The following FNDC7 variants were observed in gnomAD, a reference collection of about 807,000 sequenced individuals.
FNDC7 encodes fibronectin type III domain containing 7, also known as fibronectin type III domain-containing protein 7.
A neutral mutation model predicts 74.2 loss-of-function variants in FNDC7; 66 were observed. That is an observed-to-expected ratio of 0.89 (90% CI 0.73 to 1.09). The LOEUF is 1.09. Among genes scored for constraint, FNDC7 ranks in the 50% least tolerant of loss-of-function variants. The probability of loss-of-function intolerance (pLI) is 0.00; values close to 1 mark genes in which losing one functional copy is unlikely to be tolerated. For missense variants in FNDC7, 829 were observed against 893.4 expected, an observed-to-expected ratio of 0.93 and a Z score of 0.92; for synonymous variants, 307 against 330.2, an observed-to-expected ratio of 0.93 and a Z score of 0.76.
chr1:108,716,200 T>A (rs1182639219), intron 2 of FNDC7, among the ~76,000 whole-genome samples: 1 of 151,996 alleles, frequency 6.6e-6, no homozygotes, highest in Non-Finnish European at 1.5e-5. Flanking sequence ...ACAGAACTGG[T>A]AACATAGGAG....
chr1:108,715,060 C>T (rs1660945350), intron 2 of FNDC7, among the ~76,000 whole-genome samples: 1 of 152,130 alleles, frequency 6.6e-6, no homozygotes, highest in African/African-American at 2.4e-5. Context: ...GCTACTGATG[C>T]TGCTGCTAAT....
At chr1:108,724,807 G>T (rs1279377981) in intron 5 of FNDC7, among the ~76,000 whole-genome samples, 1 of 151,514 alleles carries the variant, frequency 6.6e-6, no homozygotes, top group East Asian at 1.9e-4. Context: ...TAGGCTGGGC[G>T]CATTGGCTCC....
chr1:108,733,425 T>C lies in FNDC7; in HGVS notation c.2033T>C (p.Phe678Ser). The change falls in exon 10 of 13, where the codon TTC becomes TCC. Residue 678 changes from phenylalanine to serine, a missense_variant. Coordinates refer to ENST00000370017, the MANE Select transcript of FNDC7 (RefSeq NM_001144937.3). ...FTCTPSAGLSFCDVTEIPCGD... is the reference protein window; with the variant it reads ...FTCTPSAGLSSCDVTEIPCGD... ...TGCACCCCGAGTGCTGGCCTCAGTTTCTGTGATGTCACTGAGATACCCTGT... is the reference window on the plus strand; with the variant it reads ...TGCACCCCGAGTGCTGGCCTCAGTTCCTGTGATGTCACTGAGATACCCTGT... 2 of 1,614,170 alleles carry C rather than the reference T, an allele frequency of 1.2e-6. No homozygotes were observed. Among genetic ancestry groups the C allele is most frequent in the African/African-American group, 1.3e-5 (1 of 75,030 alleles).
intron 11 of FNDC7, among the ~76,000 whole-genome samples, chr1:108,740,636 C>A (rs1365347047): frequency 6.6e-6 from 1 of 152,122 alleles, no homozygotes; most frequent in Non-Finnish European, 1.5e-5. Context: ...CATAAACAGA[C>A]TTTTTAAGAG....
chr1:108,718,650 T>A, intron 3 of FNDC7, 139 bp from the exon 4 acceptor site: 5 of 901,416 alleles, frequency 5.5e-6, no homozygotes, highest in Non-Finnish European at 8.2e-6. Flanking sequence ...TAGCAATTAT[T>A]TAATGAAACT....
At chr1:108,736,373 C>G (rs1301259852) in intron 10 of FNDC7, among the ~76,000 whole-genome samples, 1 of 152,072 alleles carries the variant, frequency 6.6e-6, no homozygotes. Context: ...TCTCTCTCTC[C>G]CTCCTTTATG....
chr1:108,724,177 C>T (rs894194386), intron 5 of FNDC7, among the ~76,000 whole-genome samples: 3 of 152,102 alleles, frequency 2.0e-5, no homozygotes, highest in Non-Finnish European at 2.9e-5. Flanking sequence ...ATAAATGAGG[C>T]ATTATGTGGA....
intron 2 of FNDC7, among the ~76,000 whole-genome samples, chr1:108,713,888 T>G (rs1660923418): frequency 6.6e-6 from 1 of 152,222 alleles, no homozygotes; most frequent in Non-Finnish European, 1.5e-5. Context: ...ACAAATGTTC[T>G]TGTTTATCTT....
At chr1:108,721,662 G>T (rs548427060) in intron 4 of FNDC7, among the ~76,000 whole-genome samples, 1 of 152,048 alleles carries the variant, frequency 6.6e-6, no homozygotes, top group African/African-American at 2.4e-5. Context: ...TTTTTAATGC[G>T]GTAACTCTTA....
At chr1:108,720,241 G>A (rs1661067206) in intron 4 of FNDC7, among the ~76,000 whole-genome samples, 1 of 152,004 alleles carries the variant, frequency 6.6e-6, no homozygotes, top group Admixed American at 6.5e-5. Context: ...GGCCCACTGT[G>A]TGCTGGGCAT....
intron 7 of FNDC7, 145 bp downstream of exon 7, chr1:108,728,210 C>G: frequency 9.3e-7 from 1 of 1,072,394 alleles, no homozygotes; most frequent in Non-Finnish European, 1.3e-6. Flanking sequence ...CCCCGTTGTA[C>G]GAAGGAGAGG....
chr1:108,721,879 A>G (rs1172745006), intron 4 of FNDC7, among the ~76,000 whole-genome samples: 2 of 152,222 alleles, frequency 1.3e-5, no homozygotes, highest in African/African-American at 4.8e-5. Flanking sequence ...ACGAAGGGAT[A>G]TGTTTAGTTT....
chr1:108,734,739 A>G (rs1661472026), intron 10 of FNDC7: 1 of 152,182 alleles, frequency 6.6e-6, no homozygotes, highest in South Asian at 2.1e-4. Context: ...ATGGGAAGGG[A>G]CAGGAATAGG....
rs1570737589 is a variant in FNDC7, at chr1:108,738,539, C to T, written c.2170+1015C>T. Among the ~76,000 whole-genome samples, 3 of 137,670 alleles carry T rather than the reference C, an allele frequency of 2.2e-5. 1 individual carries two copies. The South Asian group carries it at 7.4e-4, about 34-fold the overall frequency. The allele number at this position is 137,670 out of a possible 152,430, so 90.3% of individuals were successfully genotyped here. On this transcript the variant is annotated intron_variant, in intron 11 of 12. Transcript: ENST00000370017. ...AACTACAGAACTTCTCTCCCGCCCA[C>T]CCCCACCCCACCCCTCCCCATTCAG... is the stretch of plus-strand genomic sequence containing the variant.
chr1:108,733,327 G>T lies in FNDC7; in HGVS notation c.1935G>T (p.Arg645=). ...ATAGGCTGGGCCCTAATGGCATCCG[G>T]ATCTACTGGCAAGCCTCCAGGGGCT... The part of the protein sequence containing the change: ...KLYRLGPNGI[R]IYWQASRGSA... Residue 645 remains arginine, a synonymous_variant, in exon 10 of 13, where the codon CGG becomes CGT. Transcript: ENST00000370017. 6.2e-7 allele frequency: 1 copy of T among 1,614,120 alleles called. No individual in the cohort carries two copies. Among genetic ancestry groups the T allele is most frequent in the Non-Finnish European group, 8.5e-7 (1 of 1,180,022 alleles).
At chr1:108,735,660 A>T (rs946649828) in intron 10 of FNDC7, among the ~76,000 whole-genome samples, 1 of 152,284 alleles carries the variant, frequency 6.6e-6, no homozygotes, top group East Asian at 1.9e-4. Context: ...TTATTAATAG[A>T]TATTTTGTAC....
At chr1:108,733,193 C>A in intron 9 of FNDC7, 79 bp from the exon 10 acceptor site, 1 of 1,537,480 alleles carries the variant, frequency 6.5e-7, no homozygotes, top group South Asian at 1.2e-5. Context: ...TATATTTTTT[C>A]CCTGCAGTAA....
intron 9 of FNDC7, among the ~76,000 whole-genome samples, 187 bp from the exon 10 acceptor site, chr1:108,733,085 T>A (rs1262389238): frequency 6.6e-6 from 1 of 152,110 alleles, no homozygotes; most frequent in African/African-American, 2.4e-5. Context: ...CCCATGGATT[T>A]CTGATTATGT....
At chr1:108,719,535 G>A (rs1030861636) in intron 4 of FNDC7, among the ~76,000 whole-genome samples, 1 of 152,148 alleles carries the variant, frequency 6.6e-6, no homozygotes, top group Non-Finnish European at 1.5e-5. Flanking sequence ...ATGCTGCAGT[G>A]GAATTCATGT....
Sources: gnomAD v4.1 joint callset for allele counts (sites outside exome capture counted in the v4.1 genomes callset) on GRCh38, gnomAD v4.1.1 for gene constraint, MANE v1.5 for transcripts, NCBI Gene and HGNC (gene_info 2026-07-23, HGNC 2026-07-21) for gene names.